The following UGT2A2 variants were observed in gnomAD, a reference collection of about 807,000 sequenced individuals.
UGT2A2 encodes the protein UDP-glucuronosyltransferase 2A2.
UGT2A2 carries 60 observed loss-of-function variants against 50.7 expected under a neutral mutation model. That is an observed-to-expected ratio of 1.18 (90% CI 0.96 to 1.47). UGT2A2 has a LOEUF of 1.47. UGT2A2 is among the 40% of genes most tolerant of loss of function. The pLI is 0.00. For synonymous variants in UGT2A2, 242 were observed against 214.6 expected, an observed-to-expected ratio of 1.13 and a Z score of -1.11; for missense variants, 762 against 634.0, an observed-to-expected ratio of 1.20 and a Z score of -2.17.
chr4:69,594,712 A>T lies in UGT2A2; in HGVS notation c.1112-16T>A. On this transcript the variant is annotated splice_polypyrimidine_tract_variant and intron_variant, in intron 4 of 5. Transcript: ENST00000604629. ...TTGGGATGTCCTAATTTGAGGATGG[A>T]GTGAGAAGTGGGTGTGTAATAATAA... The T allele has an allele frequency of 6.2e-7, 1 of 1,607,428 alleles. No individual in the cohort carries two copies. Among genetic ancestry groups the T allele is most frequent in the Non-Finnish European group, 8.5e-7 (1 of 1,176,084 alleles).
intron 1 of UGT2A2, among the ~76,000 whole-genome samples, chr4:69,634,916 G>A (rs181321231): frequency 4.6e-4 from 70 of 152,126 alleles, no homozygotes; most frequent in Admixed American, 5.9e-4. Context: ...CTCATTAACT[G>A]TTAAGAGATT....
intron 1 of UGT2A2, among the ~76,000 whole-genome samples, chr4:69,621,330 C>T (rs775857626): frequency 2.0e-5 from 3 of 151,784 alleles, no homozygotes; most frequent in Non-Finnish European, 2.9e-5. Context: ...AAAAAGTGGG[C>T]AAAGGACATT....
intron 1 of UGT2A2, among the ~76,000 whole-genome samples, chr4:69,614,366 A>G (rs533565284): frequency 6.6e-6 from 1 of 152,178 alleles, no homozygotes; most frequent in Admixed American, 6.6e-5. Flanking sequence ...GAATAGAGGA[A>G]TCGAAAGCAT....
intron 5 of UGT2A2, among the ~76,000 whole-genome samples, chr4:69,591,101 A>T (rs1157446723): frequency 1.3e-5 from 2 of 152,176 alleles, no homozygotes; most frequent in Non-Finnish European, 2.9e-5. Flanking sequence ...CAGTATTTAT[A>T]GTTCTCATTT....
intron 1 of UGT2A2, chr4:69,599,708 A>G: frequency 9.8e-6 from 2 of 203,406 alleles, no homozygotes; most frequent in South Asian, 1.5e-4. Context: ...AGAGAGAGAG[A>G]GGAAGAGAGA....
chr4:69,624,634 T>C (rs1445663089), intron 1 of UGT2A2, among the ~76,000 whole-genome samples: 1 of 151,366 alleles, frequency 6.6e-6, no homozygotes, highest in Non-Finnish European at 1.5e-5. Context: ...TTGCTCTACC[T>C]TTGTTGTGGT....
In UGT2A2 at chr4:69,589,272, A is replaced by G. The variant is rs536799448; in HGVS notation, c.*100T>C. The stretch of plus-strand genomic sequence containing the variant: ...AGAAAATTTGGAAACAGGATGGGAG[A>G]CGTGTTTTTGTTAAACTCCTTTTGT... On this transcript the variant is annotated 3_prime_UTR_variant, in exon 6 of 6. Transcript: ENST00000604629. 4.2e-5 allele frequency: 57 copies of G among 1,368,474 alleles called. No homozygotes were observed. In the Middle Eastern group the frequency reaches 8.1e-4, roughly 19 times the overall value. 84.8% of individuals were successfully genotyped at this position (1,368,474 alleles called of 1,614,324 possible). A position where few individuals can be genotyped will look rare whatever the true frequency, so the allele number is the denominator to read the frequency against.
At chr4:69,606,286 C>G (rs761341330) in intron 1 of UGT2A2, among the ~76,000 whole-genome samples, 2 of 136,352 alleles carry the variant, frequency 1.5e-5, no homozygotes, top group East Asian at 4.1e-4. Context: ...AATCAACAAA[C>G]GTAATCCAGC....
At chr4:69,625,705 T>A (rs1397817194) in intron 1 of UGT2A2, among the ~76,000 whole-genome samples, 1 of 151,472 alleles carries the variant, frequency 6.6e-6, no homozygotes, top group Non-Finnish European at 1.5e-5. Context: ...AGCACTTATG[T>A]AAATTTAAAA....
intron 5 of UGT2A2, among the ~76,000 whole-genome samples, chr4:69,592,997 ACAGT>A (rs1212978801): frequency 6.6e-6 from 1 of 152,176 alleles, no homozygotes; most frequent in Non-Finnish European, 1.5e-5. Flanking sequence ...AAAAGATACA[ACAGT>A]CAGGCAGGAC....
intron 1 of UGT2A2, among the ~76,000 whole-genome samples, chr4:69,631,217 G>C (rs1721364478): frequency 6.6e-6 from 1 of 152,002 alleles, no homozygotes; most frequent in African/African-American, 2.4e-5. Flanking sequence ...TACCTATACT[G>C]TTTTAGTGAA....
chr4:69,614,323 G>T (rs947455870), intron 1 of UGT2A2, among the ~76,000 whole-genome samples: 7 of 151,772 alleles, frequency 4.6e-5, no homozygotes, highest in African/African-American at 1.7e-4. Flanking sequence ...GATTGAACAG[G>T]ACAGAAAAAA....
chr4:69,606,833 G>T (rs1254130556), intron 1 of UGT2A2, among the ~76,000 whole-genome samples: 1 of 136,358 alleles, frequency 7.3e-6, no homozygotes, highest in Non-Finnish European at 1.6e-5. Flanking sequence ...TTGCTTCAAA[G>T]AGAATAAAAT....
At chr4:69,614,211 C>A (rs1395626969) in intron 1 of UGT2A2, among the ~76,000 whole-genome samples, 1 of 151,864 alleles carries the variant, frequency 6.6e-6, no homozygotes, top group Non-Finnish European at 1.5e-5. Flanking sequence ...AGGAAGTAAT[C>A]CCATTTGCAA....
intron 1 of UGT2A2, among the ~76,000 whole-genome samples, chr4:69,623,310 A>C (rs1389454802): frequency 1.3e-5 from 2 of 151,678 alleles, no homozygotes; most frequent in East Asian, 1.9e-4. Context: ...ACAATGTAAC[A>C]CTCTGTTTTG....
intron 1 of UGT2A2, among the ~76,000 whole-genome samples, chr4:69,610,943 G>C (rs964530687): frequency 6.6e-6 from 1 of 152,112 alleles, no homozygotes. Context: ...CCTTTGGTTT[G>C]TTAGTTCACA....
chr4:69,593,046 C>T (rs1560465591), intron 5 of UGT2A2, among the ~76,000 whole-genome samples: 2 of 151,910 alleles, frequency 1.3e-5, no homozygotes, highest in Non-Finnish European at 2.9e-5. Flanking sequence ...AACTGGAAGG[C>T]CATAAGTAAT....
intron 1 of UGT2A2, among the ~76,000 whole-genome samples, chr4:69,628,636 T>C (rs1340380871): frequency 1.3e-5 from 2 of 150,912 alleles, no homozygotes; most frequent in African/African-American, 4.9e-5. Flanking sequence ...ACAGAACTTT[T>C]TTGAATTAAT....
intron 1 of UGT2A2, among the ~76,000 whole-genome samples, chr4:69,623,719 C>T (rs1240387995): frequency 4.0e-5 from 6 of 150,912 alleles, no homozygotes; most frequent in Admixed American, 4.0e-4. Flanking sequence ...TAGGATTCAT[C>T]TCAAGTTAGT....
Sources: allele counts gnomAD v4.1 joint callset (sites outside exome capture counted in the v4.1 genomes callset), GRCh38; gene constraint gnomAD v4.1.1; transcripts MANE v1.5; gene names NCBI Gene and HGNC (gene_info 2026-07-23, HGNC 2026-07-21).